Variants in EXOC4 observed in about 807,000 individuals in gnomAD.
EXOC4 encodes SEC8-like 1.
EXOC4 carries 71 observed loss-of-function variants against 107.2 expected under a neutral mutation model. The observed-to-expected ratio is 0.66, with a 90% CI of 0.55 to 0.81. EXOC4 has a LOEUF of 0.81. EXOC4 is among the 30% of genes least tolerant of loss of function. The pLI, the probability that EXOC4 is intolerant of heterozygous loss-of-function variation, is 0.00. For synonymous variants in EXOC4, 456 were observed against 441.2 expected (o/e 1.03, Z -0.42); for missense variants, 1,108 against 1,189.6 (o/e 0.93, Z 1.01).
intron 7 of EXOC4, among the ~76,000 whole-genome samples, chr7:133,433,380 T>C (rs1356050086): frequency 1.3e-5 from 2 of 152,230 alleles, no homozygotes; most frequent in Non-Finnish European, 1.5e-5. Flanking sequence ...GCTTGAAATA[T>C]GCTTGTGCAG....
Position 133,726,777 on chromosome 7 carries a change from A to G in EXOC4, c.1515-90548A>G, listed in dbSNP as rs79320872. 4.9e-3 allele frequency among the ~76,000 whole-genome samples: 746 copies of G among 152,282 alleles called. 4 individuals are homozygous for G. Among genetic ancestry groups the G allele is most frequent in the Middle Eastern group, 0.017 (5 of 294 alleles). ...AAACCCTTGTCATGGCTCTACTGACATGCATCCCACTTTCCATTTGGTTCC... is the reference window on the plus strand; with the variant it reads ...AAACCCTTGTCATGGCTCTACTGACGTGCATCCCACTTTCCATTTGGTTCC... On this transcript the variant is annotated intron_variant, in intron 10 of 17. Coordinates refer to ENST00000253861, the MANE Select transcript of EXOC4 (RefSeq NM_021807.4).
intron 13 of EXOC4, among the ~76,000 whole-genome samples, chr7:133,922,187 A>G (rs1339250222): frequency 1.3e-5 from 2 of 152,198 alleles, no homozygotes; most frequent in African/African-American, 4.8e-5. Context: ...GAATGTGCAC[A>G]TATCAAAGTC....
In EXOC4 at chr7:133,650,937, G is replaced by GTTTTTTTTTTT. The variant is rs200499348; in HGVS notation, c.1514+20811_1514+20821dup. 1.8e-3 allele frequency among the ~76,000 whole-genome samples: 157 copies of GTTTTTTTTTTT among 88,666 alleles called. 9 individuals are homozygous for GTTTTTTTTTTT. Among genetic ancestry groups the GTTTTTTTTTTT allele is most frequent in the South Asian group, 3.4e-3 (7 of 2,074 alleles). The allele number at this position is 88,666 out of a possible 152,430, so 58.2% of individuals were successfully genotyped here. ...TCTTAGTACATACTGAGATTGGTCA[G>GTTTTTTTTTTT]TTTTTTTTTTTTTTTTTTTTTTTTT... On this transcript the variant is annotated intron_variant, in intron 10 of 17. Transcript: ENST00000253861.
intron 14 of EXOC4, among the ~76,000 whole-genome samples, chr7:133,965,584 C>T (rs749941291): frequency 6.6e-6 from 1 of 152,170 alleles, no homozygotes; most frequent in African/African-American, 2.4e-5. Context: ...AATAGGGAAT[C>T]CTTTCCCCAT....
At chr7:133,518,837 A>G (rs1299643823) in intron 9 of EXOC4, among the ~76,000 whole-genome samples, 1 of 152,136 alleles carries the variant, frequency 6.6e-6, no homozygotes, top group Non-Finnish European at 1.5e-5. Context: ...ATGGAGGGGA[A>G]TAAGGGAATG....
chr7:133,785,399 C>T (rs766112670), intron 10 of EXOC4, among the ~76,000 whole-genome samples: 1 of 151,894 alleles, frequency 6.6e-6, no homozygotes, highest in East Asian at 1.9e-4. Context: ...TTTTTCTTCC[C>T]ATGTGTGTCT....
the EXOC4 span, among the ~76,000 whole-genome samples, chr7:134,095,788 AC>A: frequency 6.6e-6 from 1 of 152,166 alleles, no homozygotes; most frequent in Non-Finnish European, 1.5e-5. Context: ...ATGAAATTGG[AC>A]CCCTACATTT....
intron 17 of EXOC4, among the ~76,000 whole-genome samples, chr7:134,011,602 C>T (rs1004128355): frequency 1.4e-5 from 2 of 143,892 alleles, no homozygotes; most frequent in Non-Finnish European, 3.2e-5. Context: ...AATTGTAACA[C>T]CCAAGACAGA....
At chr7:133,601,802 G>A (rs1171466609) in intron 9 of EXOC4, 3 of 152,280 alleles carry the variant, frequency 2.0e-5, no homozygotes, top group African/African-American at 7.2e-5. Flanking sequence ...TCACCAGGAT[G>A]TTGCCCAAAA....
intron 11 of EXOC4, among the ~76,000 whole-genome samples, chr7:133,882,123 T>C (rs993464898): frequency 2.6e-5 from 4 of 152,256 alleles, no homozygotes; most frequent in African/African-American, 9.6e-5. Context: ...TGTGACTGGC[T>C]ACTTTCATTC....
chr7:133,751,981 C>CTAAATAAATAAATAAATAAA (rs1562982742), intron 10 of EXOC4, among the ~76,000 whole-genome samples: 3 of 76,482 alleles, frequency 3.9e-5, no homozygotes, highest in South Asian at 3.8e-4. Context: ...TATCTCTCTA[C>CTAAATAAATAAATAAATAAA]CAAATAAATA....
At chr7:133,590,911 T>C (rs973239404) in intron 9 of EXOC4, among the ~76,000 whole-genome samples, 6 of 152,166 alleles carry the variant, frequency 3.9e-5, no homozygotes, top group African/African-American at 1.4e-4. Flanking sequence ...GGGCACAGTA[T>C]AACATTCCCT....
At chr7:133,400,562 A>G (rs1584886478) in intron 7 of EXOC4, among the ~76,000 whole-genome samples, 2 of 152,054 alleles carry the variant, frequency 1.3e-5, no homozygotes, top group East Asian at 3.9e-4. Flanking sequence ...TCTTTTTTAC[A>G]ACAGCCTACT....
chr7:133,745,185 C>T (rs1258351496), intron 10 of EXOC4, among the ~76,000 whole-genome samples: 1 of 151,830 alleles, frequency 6.6e-6, no homozygotes, highest in Non-Finnish European at 1.5e-5. Flanking sequence ...TTTGTCTTTA[C>T]CGTTTTGATT....
At chr7:133,290,349 G>C (rs770362058) in intron 3 of EXOC4, among the ~76,000 whole-genome samples, 1 of 152,096 alleles carries the variant, frequency 6.6e-6, no homozygotes, top group Non-Finnish European at 1.5e-5. Context: ...AATGACAAAA[G>C]AATTGGTTAT....
intron 14 of EXOC4, among the ~76,000 whole-genome samples, chr7:133,994,366 G>A (rs1794331907): frequency 6.6e-6 from 1 of 152,116 alleles, no homozygotes; most frequent in Admixed American, 6.5e-5. Flanking sequence ...GGAGGGCAAG[G>A]GGAGGGAGAG....
chr7:133,311,549 A>G (rs1201747418), intron 4 of EXOC4, among the ~76,000 whole-genome samples: 1 of 152,216 alleles, frequency 6.6e-6, no homozygotes, highest in African/African-American at 2.4e-5. Flanking sequence ...AGCCAGATTT[A>G]AAAATCACAT....
intron 7 of EXOC4, among the ~76,000 whole-genome samples, chr7:133,431,182 C>T (rs1377347870): frequency 6.6e-6 from 1 of 152,188 alleles, no homozygotes; most frequent in Non-Finnish European, 1.5e-5. Flanking sequence ...ATTCACTGTT[C>T]TTCCTGAACT....
At position 133,787,958 on chromosome 7, in the gene EXOC4, TATATTTATATATATATATATATATATATA is replaced by T. The variant is rs1796614841; in HGVS notation, c.1515-29366_1515-29338del. Among the ~76,000 whole-genome samples the T allele has an allele frequency of 2.1e-3, 112 of 52,984 alleles. 12 individuals carry two copies. Among genetic ancestry groups the T allele is most frequent in the South Asian group, 3.9e-3 (7 of 1,806 alleles). The allele number at this position is 52,984 out of a possible 152,430, so 34.8% of individuals were successfully genotyped here. A position where few individuals can be genotyped will look rare whatever the true frequency, so the allele number is the denominator to read the frequency against. On this transcript the variant is annotated intron_variant, in intron 10 of 17. Transcript: ENST00000253861. ...TACTTCTTCCCTGTGCATATATTTA[TATATTTATATATATATATATATATATATA>T]TATATATATATATATATATATATAT... is the stretch of plus-strand genomic sequence containing the variant.
Sources: allele counts gnomAD v4.1 joint callset (sites outside exome capture counted in the v4.1 genomes callset), GRCh38; gene constraint gnomAD v4.1.1; transcripts MANE v1.5; gene names NCBI Gene and HGNC (gene_info 2026-07-23, HGNC 2026-07-21).